Variants in FBXL13 observed in about 807,000 individuals in gnomAD.
The protein encoded by FBXL13 is F-box and leucine-rich repeat protein 13.
Under a neutral mutation model 83.6 loss-of-function variants are expected in FBXL13, and 67 were observed. That is an observed-to-expected ratio of 0.80 (90% confidence interval 0.66 to 0.98). The LOEUF is 0.98. Among genes scored for constraint, FBXL13 ranks in the 50% least tolerant of loss-of-function variants. The pLI is 0.00. For synonymous variants in FBXL13, 272 were observed against 299.5 expected (o/e 0.91, Z 0.95); for missense variants, 822 against 866.5 (o/e 0.95, Z 0.64).
intron 1 of FBXL13, among the ~76,000 whole-genome samples, chr7:103,062,716 A>G (rs1023253373): frequency 6.6e-5 from 10 of 152,216 alleles, no homozygotes; most frequent in African/African-American, 2.4e-4. Flanking sequence ...TATAGAATCA[A>G]AAGGTATATA....
intron 6 of FBXL13, among the ~76,000 whole-genome samples, chr7:102,996,890 C>G (rs1283780869): frequency 6.6e-6 from 1 of 152,138 alleles, no homozygotes; most frequent in African/African-American, 2.4e-5. Flanking sequence ...GACTGCTTTT[C>G]TCTGCACATT....
chr7:102,918,633 T>C lies in FBXL13; in HGVS notation c.879-5418A>G, dbSNP rs186505363. Among the ~76,000 whole-genome samples the C allele has an allele frequency of 1.5e-4, 23 of 152,236 alleles. No homozygotes were observed. The East Asian group carries it at 2.7e-3, about 18-fold the overall frequency. On this transcript the variant is annotated intron_variant, in intron 10 of 19. Coordinates refer to ENST00000313221, the Ensembl canonical transcript of FBXL13. ...GAGTTTGAGACCAGCCTGGGGAACA[T>C]AGTGAGATCTTGTCTCTACAAAAGA...
chr7:103,074,563 C>T, exon 1 of FBXL13: 1 of 1,224,334 alleles, frequency 8.2e-7, no homozygotes, highest in Non-Finnish European at 1.1e-6. Context: ...CACTTTCTCG[C>T]ATTCTGCCCC....
At chr7:102,984,326 A>C (rs1480657303) in intron 6 of FBXL13, among the ~76,000 whole-genome samples, 1 of 152,208 alleles carries the variant, frequency 6.6e-6, no homozygotes, top group East Asian at 1.9e-4. Flanking sequence ...AAAAAGAACC[A>C]AGAAGATATA....
chr7:102,975,865 T>C, intron 6 of FBXL13: 1 of 709,120 alleles, frequency 1.4e-6, no homozygotes, highest in Non-Finnish European at 2.6e-6. Flanking sequence ...ACAGGCAGGG[T>C]TTCAAATGCT....
chr7:102,951,427 A>T (rs1823388118), intron 8 of FBXL13, among the ~76,000 whole-genome samples: 1 of 114,978 alleles, frequency 8.7e-6, no homozygotes, highest in Non-Finnish European at 1.9e-5. Flanking sequence ...AAAAACGAAA[A>T]GAAAGCTCTT....
At chr7:103,066,028 G>C (rs2129502925) in intron 1 of FBXL13, among the ~76,000 whole-genome samples, 1 of 152,332 alleles carries the variant, frequency 6.6e-6, no homozygotes, top group East Asian at 1.9e-4. Flanking sequence ...GGTCCCTCCA[G>C]CACTGACAAG....
chr7:102,992,889 G>A (rs1480224509), intron 6 of FBXL13, among the ~76,000 whole-genome samples: 1 of 152,188 alleles, frequency 6.6e-6, no homozygotes, highest in African/African-American at 2.4e-5. Context: ...TTACAGGCAT[G>A]AGCCACCACG....
intron 17 of FBXL13, among the ~76,000 whole-genome samples, chr7:102,853,723 C>T (rs1805606642): frequency 2.6e-5 from 4 of 152,178 alleles, no homozygotes; most frequent in Admixed American, 1.3e-4. Context: ...CATGAACAGA[C>T]ACTTCTCAAA....
At chr7:103,068,037 T>C (rs1798560245) in intron 1 of FBXL13, among the ~76,000 whole-genome samples, 1 of 152,148 alleles carries the variant, frequency 6.6e-6, no homozygotes, top group Admixed American at 6.5e-5. Flanking sequence ...AAATGGAGAT[T>C]TCAGAGATGG....
intron 10 of FBXL13, among the ~76,000 whole-genome samples, chr7:102,914,102 C>T (rs527869904): frequency 2.2e-4 from 34 of 152,276 alleles, no homozygotes; most frequent in East Asian, 1.2e-3. Context: ...GCTCTTGTTG[C>T]CCAGCTGGAG....
chr7:102,928,180 A>T (rs1818489732), intron 9 of FBXL13, among the ~76,000 whole-genome samples: 1 of 152,168 alleles, frequency 6.6e-6, no homozygotes, highest in Non-Finnish European at 1.5e-5. Flanking sequence ...TCTCAGATTG[A>T]GATGAGGAGG....
At chr7:103,003,318 C>T (rs1471984319) in intron 6 of FBXL13, among the ~76,000 whole-genome samples, 6 of 117,370 alleles carry the variant, frequency 5.1e-5, no homozygotes. Flanking sequence ...GACAGACTCT[C>T]ACTCTCTTGC....
At chr7:102,849,993 G>A (rs1425443497) in intron 17 of FBXL13, among the ~76,000 whole-genome samples, 2 of 150,314 alleles carry the variant, frequency 1.3e-5, no homozygotes, top group Admixed American at 1.3e-4. Context: ...CATGTATCCT[G>A]TTTTGTTTTG....
intron 16 of FBXL13, among the ~76,000 whole-genome samples, chr7:102,868,267 C>T (rs1164006113): frequency 6.6e-6 from 1 of 152,152 alleles, no homozygotes; most frequent in Admixed American, 6.5e-5. Flanking sequence ...CCTCCTATCT[C>T]ACTGTAACTT....
intron 6 of FBXL13, chr7:102,973,615 C>A (rs767704422): frequency 1.3e-6 from 1 of 766,168 alleles, no homozygotes. Context: ...AAGAATCTTT[C>A]ATCTGGTGCC....
intron 12 of FBXL13, 85 bp from the exon 14 acceptor site, chr7:102,883,770 T>A: frequency 1.3e-6 from 1 of 775,728 alleles, no homozygotes; most frequent in East Asian, 2.5e-5. Flanking sequence ...CTTCAATATA[T>A]TAGAGACAGA....
chr7:103,070,460 C>T (rs913303688), intron 1 of FBXL13, among the ~76,000 whole-genome samples: 1 of 152,146 alleles, frequency 6.6e-6, no homozygotes, highest in African/African-American at 2.4e-5. Flanking sequence ...AAGTGATCCA[C>T]CCACCTCGGC....
chr7:102,973,772 G>T (rs1230497382), intron 6 of FBXL13: 2 of 763,540 alleles, frequency 2.6e-6, no homozygotes, highest in African/African-American at 1.7e-5. Context: ...TCACCTACTG[G>T]TAAGTTTCCC....
Sources: allele counts gnomAD v4.1 joint callset (sites outside exome capture counted in the v4.1 genomes callset), GRCh38; gene constraint gnomAD v4.1.1; transcripts MANE v1.5; gene names NCBI Gene and HGNC (gene_info 2026-07-23, HGNC 2026-07-21).